The following PLCD1 variants were observed in gnomAD, a reference collection of about 807,000 sequenced individuals.
PLCD1 encodes the protein 1-phosphatidylinositol 4,5-bisphosphate phosphodiesterase delta-1.
In PLCD1, 71 loss-of-function variants were observed where a neutral mutation model predicts 87.4. That is an observed-to-expected ratio of 0.81 (90% CI 0.67 to 0.99). PLCD1 has a LOEUF of 0.99. Among genes scored for constraint, PLCD1 ranks in the 50% least tolerant of loss-of-function variants. The pLI, the probability that PLCD1 is intolerant of heterozygous loss-of-function variation, is 0.00. For missense variants in PLCD1, 867 were observed against 1,001.5 expected (o/e 0.87, Z 1.81); for synonymous variants, 348 against 399.2 (o/e 0.87, Z 1.53).
At chr3:38,029,268 C>T (rs1211078124) in intron 1 of PLCD1, among the ~76,000 whole-genome samples, 1 of 150,016 alleles carries the variant, frequency 6.7e-6, no homozygotes, top group Non-Finnish European at 1.5e-5. Flanking sequence ...ACCGCCCGCC[C>T]ACCCACCCCC....
chr3:38,011,685 G>A lies in PLCD1; in HGVS notation c.429-12C>T, dbSNP rs1474125172. ...AGGAGTGAATCCAGCTGGGCAAGAA[G>A]TAAGGAAAGAACCCAGGAACCCTGG... On this transcript the variant is annotated splice_polypyrimidine_tract_variant and intron_variant, in intron 3 of 14. Transcript: ENST00000334661. 6.2e-6 allele frequency: 10 copies of A among 1,614,152 alleles called. No individual in the cohort carries two copies. The highest frequency in any genetic ancestry group is 3.3e-5 in the Admixed American group (2 of 60,032).
At chr3:38,024,625 G>A in intron 1 of PLCD1, 1 of 1,518,530 alleles carries the variant, frequency 6.6e-7, no homozygotes, top group Non-Finnish European at 8.8e-7. Context: ...TCGGAGGGGC[G>A]GGACGAGAGG....
rs748200679 is a variant in PLCD1, at chr3:38,011,230, G to A, written c.774C>T (p.Tyr258=). The change falls in exon 5 of 15, where the codon TAC becomes TAT. Residue 258 remains tyrosine (Y), a synonymous_variant. Coordinates refer to ENST00000334661, the MANE Select transcript of PLCD1 (RefSeq NM_006225.4). ...PALALSLIER[Y]EPSETAKAQR... ...GGCTCTCACCAGTCTCGCTGGGCTC[G>A]TAGCGCTCAATGAGGGAGAGGGCCA... 32 of 1,609,518 alleles carry A rather than the reference G, an allele frequency of 2.0e-5. No individual in the cohort carries two copies. The highest frequency in any genetic ancestry group is 4.5e-4 in the Middle Eastern group (2 of 4,438).
intron 1 of PLCD1, chr3:38,024,126 G>A (rs1700272718): frequency 1.8e-6 from 1 of 545,052 alleles, no homozygotes; most frequent in Non-Finnish European, 3.3e-6. Flanking sequence ...TAAATAATGA[G>A]AAGGGGTAAC....
At chr3:38,020,969 T>C (rs571356906) in intron 1 of PLCD1, among the ~76,000 whole-genome samples, 1 of 152,276 alleles carries the variant, frequency 6.6e-6, no homozygotes, top group African/African-American at 2.4e-5. Flanking sequence ...GCCTCTGCTT[T>C]CCTGTCTATG....
At chr3:38,016,763 G>A (rs1335242316) in intron 2 of PLCD1, 44 bp from the exon 3 acceptor site, 1 of 1,391,708 alleles carries the variant, frequency 7.2e-7, no homozygotes, top group African/African-American at 1.4e-5. Flanking sequence ...AGAATGCTGT[G>A]AGGTCAGTCC....
rs1178946925 is a variant in PLCD1 at position 38,011,683 on chromosome 3, A to G, written c.429-10T>C. 1 of 1,614,012 alleles carries G rather than the reference A, an allele frequency of 6.2e-7. No individual in the cohort carries two copies. Among genetic ancestry groups the G allele is most frequent in the African/African-American group, 1.3e-5 (1 of 74,944 alleles). On this transcript the variant is annotated splice_polypyrimidine_tract_variant and intron_variant, in intron 3 of 14. Coordinates refer to ENST00000334661, the MANE Select transcript of PLCD1 (RefSeq NM_006225.4). ...GCAGGAGTGAATCCAGCTGGGCAAG[A>G]AGTAAGGAAAGAACCCAGGAACCCT... is the stretch of plus-strand genomic sequence containing the variant.
Position 38,016,607 on chromosome 3 carries a change from C to T in PLCD1, c.312G>A (p.Gln104=). The T allele has an allele frequency of 6.2e-7, 1 of 1,613,786 alleles. No homozygotes were observed. Among genetic ancestry groups the T allele is most frequent in the Non-Finnish European group, 8.5e-7 (1 of 1,179,850 alleles). The change falls in exon 3 of 15, where the codon CAG becomes CAA. Residue 104 remains glutamine, a synonymous_variant. Transcript: ENST00000334661. The stretch of plus-strand genomic sequence containing the variant: ...GGGCGATGAGGTCTAGTGTATTGCG[C>T]TGGTCCTTGAAGACAATGGAGAAGC... ...DRCFSIVFKD[Q]RNTLDLIAPS...
Position 38,009,779 on chromosome 3 carries a change from C to T in PLCD1, c.1320G>A (p.Lys440=). Residue 440 remains lysine, a synonymous_variant, in exon 9 of 15, where the codon AAG becomes AAA. Coordinates refer to ENST00000334661, the MANE Select transcript of PLCD1 (RefSeq NM_006225.4). Reference sequence around the variant, plus strand: ...CAGGGGGCAGGAGCCCCCCGAGCTTCTTCCCCTTCAGCAGGATCTTCCCCT... The same window carrying T: ...CAGGGGGCAGGAGCCCCCCGAGCTTTTTCCCCTTCAGCAGGATCTTCCCCT... ...QLKGKILLKG[K]KLGGLLPPGG... The T allele has an allele frequency of 6.2e-7, 1 of 1,614,074 alleles. No individual in the cohort carries two copies. The highest frequency in any genetic ancestry group is 1.1e-5 in the South Asian group (1 of 91,086).
At chr3:38,009,608 A>T (rs1240979986) in intron 9 of PLCD1, 45 bp downstream of exon 9, 2 of 1,610,202 alleles carry the variant, frequency 1.2e-6, no homozygotes, top group African/African-American at 1.3e-5. Context: ...GGGTGAGGGG[A>T]TGGGGAAGGC....
In PLCD1 at chr3:38,009,955, C is replaced by T; in HGVS notation, c.1236G>A (p.Met412Ile). ...CCCCATCCAGTGGTCGGTTCAACAG[C>T]ATGGGGCCCAGGATGGCATGCAGGT... ...ARHLHAILGPMLLNRPLDGVT... is the reference protein window; with the variant it reads ...ARHLHAILGPILLNRPLDGVT... Residue 412 changes from methionine (M) to isoleucine (I), a missense_variant, in exon 8 of 15, where the codon ATG becomes ATA. Physicochemically the swap from Met to Ile is conservative, Grantham distance 10. Transcript: ENST00000334661. The T allele has an allele frequency of 1.2e-6, 2 of 1,613,700 alleles. No homozygotes were observed. The highest frequency in any genetic ancestry group is 1.7e-6 in the Non-Finnish European group (2 of 1,179,722).
At chr3:38,016,434 A>T (rs1559375095) in intron 3 of PLCD1, 57 bp downstream of exon 3, 3 of 1,227,950 alleles carry the variant, frequency 2.4e-6, no homozygotes, top group Non-Finnish European at 3.6e-6. Context: ...TGCCCTGGGG[A>T]TAACCACAGC....
chr3:38,010,226 GC>G lies in PLCD1; in HGVS notation c.1041del (p.Asn349ThrfsTer52), dbSNP rs1445916577. 3.7e-6 allele frequency: 6 copies of G among 1,614,094 alleles called. No homozygotes were observed. Among genetic ancestry groups the G allele is most frequent in the African/African-American group, 1.3e-5 (1 of 74,942 alleles). ...TGGTAGATGATTGGTTCCTGGTTGG[GC>G]CCGTCCCAGCAGTCAAGCTCCAGGC... ...CRCLELDCWD[G>X]PNQEPIIYHG... On this transcript the variant is annotated frameshift_variant, in exon 7 of 15. Coordinates refer to ENST00000334661, the MANE Select transcript of PLCD1 (RefSeq NM_006225.4). LOFTEE classifies it high-confidence loss of function.
At chr3:38,028,345 T>C (rs1700328682) in intron 1 of PLCD1, among the ~76,000 whole-genome samples, 1 of 152,150 alleles carries the variant, frequency 6.6e-6, no homozygotes, top group African/African-American at 2.4e-5. Context: ...AAGCAACAGC[T>C]CTGGGCACAG....
chr3:38,023,308 C>T (rs1473503354), intron 1 of PLCD1, among the ~76,000 whole-genome samples: 2 of 152,160 alleles, frequency 1.3e-5, no homozygotes, highest in African/African-American at 4.8e-5. Context: ...CACTGCCCCC[C>T]AAAATTACAC....
At position 38,009,042 on chromosome 3, in the gene PLCD1, C is replaced by G; in HGVS notation, c.1723G>C (p.Val575Leu). The stretch of plus-strand genomic sequence containing the variant: ...TCCTCCAGCCCCAGCCAGCCCATAC[C>G]GATCTGGCAGCCCCCATTCCACATC... ...VEMWNGGCQI[V>L]ALNFQTPGPE... Residue 575 changes from valine (V) to leucine (L), a missense_variant and splice_region_variant, in exon 11 of 15, where the codon GTG becomes CTG. Coordinates refer to ENST00000334661, the MANE Select transcript of PLCD1 (RefSeq NM_006225.4). 3 of 1,608,268 alleles carry G rather than the reference C, an allele frequency of 1.9e-6. No individual in the cohort carries two copies. The highest frequency in any genetic ancestry group is 2.6e-6 in the Non-Finnish European group (3 of 1,175,814).
At position 38,010,478 on chromosome 3, in the gene PLCD1, C is replaced by A; in HGVS notation, c.875G>T (p.Arg292Leu). The A allele has an allele frequency of 6.2e-7, 1 of 1,614,084 alleles. No homozygotes were observed. Among genetic ancestry groups the A allele is most frequent in the Non-Finnish European group, 8.5e-7 (1 of 1,179,948 alleles). Residue 292 changes from arginine to leucine, a missense_variant, in exon 6 of 15, where the codon CGC (arginine) becomes CTC (leucine). Physicochemically the swap from Arg to Leu is moderately radical, Grantham distance 102 (BLOSUM62 -2). Coordinates refer to ENST00000334661, the MANE Select transcript of PLCD1 (RefSeq NM_006225.4). ...ADGSAFSLAH[R>L]RVYQDMGQPL... ...CTGGCCCATGTCCTGGTAGACACGG[C>A]GGTGTGCCAGGCTGAAGGCGCTGCC...
At position 38,025,838 on chromosome 3, in the gene PLCD1, C is replaced by G. The variant is rs1177771018; in HGVS notation, c.34+3668G>C. Among the ~76,000 whole-genome samples, 1 of 152,218 alleles carries G rather than the reference C, an allele frequency of 6.6e-6. No homozygotes were observed. Among genetic ancestry groups the G allele is most frequent in the East Asian group, 1.9e-4 (1 of 5,204 alleles). On this transcript the variant is annotated intron_variant, in intron 1 of 14. Transcript: ENST00000334661. The surrounding 1 kb of genome is among the most constrained non-coding windows in gnomAD (Gnocchi z 4.0). ...CAGAGGCCTGACTCTTACTCTCAGC[C>G]TCTGAATAGTTCCCCCAGTTCGCTT...
chr3:38,025,053 G>A lies in PLCD1; in HGVS notation c.34+4453C>T, dbSNP rs1700293288. The stretch of plus-strand genomic sequence containing the variant: ...GGCAGCGGGGCGAAGGAGGGGCCAG[G>A]CTCAGAGGCGGAGCTCAGGCCGGGA... On this transcript the variant is annotated intron_variant, in intron 1 of 14. Transcript: ENST00000334661. The surrounding 1 kb of genome is among the most constrained non-coding windows in gnomAD (Gnocchi z 4.0). Among the ~76,000 whole-genome samples the A allele has an allele frequency of 6.6e-6, 1 of 152,012 alleles. No homozygotes were observed. Among genetic ancestry groups the A allele is most frequent in the Non-Finnish European group, 1.5e-5 (1 of 67,984 alleles).
Sources: allele counts gnomAD v4.1 joint callset (sites outside exome capture counted in the v4.1 genomes callset), GRCh38; gene constraint gnomAD v4.1.1; non-coding constraint Gnocchi (gnomAD v3.1); transcripts MANE v1.5; gene names NCBI Gene and HGNC (gene_info 2026-07-23, HGNC 2026-07-21).